The following ADGRL3 variants were observed in gnomAD, a reference collection of about 807,000 sequenced individuals.
ADGRL3 encodes adhesion G protein-coupled receptor L3.
ADGRL3 carries 62 observed loss-of-function variants against 153.5 expected under a neutral mutation model. The observed-to-expected ratio is 0.40, with a 90% CI of 0.33 to 0.50. The LOEUF (loss-of-function observed/expected upper bound fraction) is 0.50, where lower values mean the gene tolerates loss of function less well. Ranked by LOEUF, ADGRL3 falls within the 20% of genes least tolerant of loss-of-function variation. The pLI is 0.47. For synonymous variants in ADGRL3, 710 were observed against 672.5 expected (o/e 1.06, Z -0.86); for missense variants, 1,641 against 1,859.4 (o/e 0.88, Z 2.16).
chr4:62,009,369 A>T (rs957516552), intron 21 of ADGRL3, among the ~76,000 whole-genome samples: 1 of 152,050 alleles, frequency 6.6e-6, no homozygotes, highest in Admixed American at 6.6e-5. Context: ...ATACCTTATA[A>T]TTTTTTATTT....
intron 23 of ADGRL3, among the ~76,000 whole-genome samples, chr4:62,036,161 A>G (rs1381705546): frequency 2.0e-5 from 3 of 152,206 alleles, no homozygotes; most frequent in Admixed American, 6.6e-5. Flanking sequence ...TTTTAAATAC[A>G]TTAAAAATAA....
At chr4:61,514,757 T>C (rs962276964) in intron 3 of ADGRL3, among the ~76,000 whole-genome samples, 3 of 152,204 alleles carry the variant, frequency 2.0e-5, no homozygotes, top group African/African-American at 7.2e-5. Context: ...TTCTTTAGTC[T>C]TACTCCATGA....
intron 8 of ADGRL3, among the ~76,000 whole-genome samples, chr4:61,738,590 A>C (rs561500424): frequency 6.6e-6 from 1 of 152,182 alleles, no homozygotes; most frequent in African/African-American, 2.4e-5. Flanking sequence ...ATGAAAAAAA[A>C]GCTTAACTCC....
chr4:61,660,969 T>C (rs529210798), intron 5 of ADGRL3, among the ~76,000 whole-genome samples: 2 of 152,234 alleles, frequency 1.3e-5, no homozygotes, highest in African/African-American at 4.8e-5. Context: ...AGTATGATCA[T>C]ATATATCTTA....
chr4:61,768,813 C>T (rs1345319867), intron 8 of ADGRL3, among the ~76,000 whole-genome samples: 1 of 151,752 alleles, frequency 6.6e-6, no homozygotes, highest in African/African-American at 2.4e-5. Flanking sequence ...GTGGGGGTTT[C>T]TTCCCCTCCA....
At chr4:61,273,950 AT>A (rs949350675) in intron 1 of ADGRL3, among the ~76,000 whole-genome samples, 6 of 152,172 alleles carry the variant, frequency 3.9e-5, no homozygotes, top group Non-Finnish European at 5.9e-5. Context: ...AAAACTGAAA[AT>A]TCTGACTCTT....
chr4:61,646,053 T>C (rs11936806), intron 5 of ADGRL3, among the ~76,000 whole-genome samples: 30,386 of 152,172 alleles, frequency 0.2, 3,293 homozygotes, highest in East Asian at 0.35. Flanking sequence ...CCATCGCTGA[T>C]ACCCTTTCTC....
At chr4:61,938,519 C>T (rs553477007) in intron 15 of ADGRL3, among the ~76,000 whole-genome samples, 1 of 152,208 alleles carries the variant, frequency 6.6e-6, no homozygotes, top group Non-Finnish European at 1.5e-5. Context: ...GAATCAGTCC[C>T]AGAAGATATA....
At chr4:61,468,113 A>G (rs2097906326) in intron 2 of ADGRL3, among the ~76,000 whole-genome samples, 2 of 152,158 alleles carry the variant, frequency 1.3e-5, no homozygotes, top group Admixed American at 1.3e-4. Flanking sequence ...GCTGCAAAGG[A>G]ATTAAACATA....
intron 24 of ADGRL3, among the ~76,000 whole-genome samples, chr4:62,038,240 C>A (rs1338796047): frequency 3.9e-5 from 6 of 152,034 alleles, no homozygotes; most frequent in Non-Finnish European, 7.4e-5. Flanking sequence ...TTATCACAAA[C>A]TGACACAATT....
At chr4:61,712,984 C>T (rs2096028534) in intron 6 of ADGRL3, among the ~76,000 whole-genome samples, 1 of 152,082 alleles carries the variant, frequency 6.6e-6, no homozygotes, top group Non-Finnish European at 1.5e-5. Context: ...TGGCACAATA[C>T]CCAGATACCC....
At chr4:61,498,983 G>T (rs2098353096) in intron 3 of ADGRL3, among the ~76,000 whole-genome samples, 1 of 152,154 alleles carries the variant, frequency 6.6e-6, no homozygotes, top group South Asian at 2.1e-4. Flanking sequence ...GGACACAGCT[G>T]TATTTGCCAC....
chr4:61,898,472 A>G (rs2098644436), intron 11 of ADGRL3, among the ~76,000 whole-genome samples: 1 of 152,046 alleles, frequency 6.6e-6, no homozygotes, highest in Admixed American at 6.6e-5. Context: ...TAGAATGGGA[A>G]TTCTGGCCCA....
chr4:61,330,345 T>G (rs1034902059), intron 1 of ADGRL3, among the ~76,000 whole-genome samples: 3 of 152,074 alleles, frequency 2.0e-5, no homozygotes, highest in African/African-American at 4.8e-5. Context: ...TGATCCAATT[T>G]TATTGAGAGC....
intron 2 of ADGRL3, among the ~76,000 whole-genome samples, chr4:61,461,838 TCA>T (rs889360620): frequency 3.3e-5 from 5 of 152,146 alleles, no homozygotes; most frequent in Non-Finnish European, 7.4e-5. Context: ...ACAGCCAGTT[TCA>T]GTCCCATGCC....
At chr4:61,879,884 T>A (rs933107288) in intron 9 of ADGRL3, among the ~76,000 whole-genome samples, 2 of 152,144 alleles carry the variant, frequency 1.3e-5, no homozygotes, top group Non-Finnish European at 2.9e-5. Flanking sequence ...CATGCCTGGC[T>A]AATTTTTTAA....
chr4:61,782,124 G>A (rs2097220421), intron 8 of ADGRL3, among the ~76,000 whole-genome samples: 1 of 152,126 alleles, frequency 6.6e-6, no homozygotes, highest in Admixed American at 6.6e-5. Context: ...GTTATCTTTT[G>A]GCAGAGTATT....
chr4:61,460,337 A>G (rs959137565), intron 2 of ADGRL3, among the ~76,000 whole-genome samples: 4 of 152,060 alleles, frequency 2.6e-5, no homozygotes, highest in African/African-American at 9.7e-5. Context: ...CCTTTCCCCA[A>G]CGTATATACA....
rs145224667 is a variant in ADGRL3 at position 61,734,191 on chromosome 4, T to C, written c.1399+637T>C. Among the ~76,000 whole-genome samples, 714 of 152,350 alleles carry C rather than the reference T, an allele frequency of 4.7e-3. 7 individuals are homozygous for C. Among genetic ancestry groups the C allele is most frequent in the African/African-American group, 0.013 (548 of 41,586 alleles). The stretch of plus-strand genomic sequence containing the variant: ...ATTCTTTAAAAGTGCCCCTTTTCCA[T>C]TGAAAACATACCATTTCCTTTTAAT... On this transcript the variant is annotated intron_variant, in intron 8 of 26. Coordinates refer to ENST00000683033, the MANE Select transcript of ADGRL3 (RefSeq NM_001387552.1).
Sources: gnomAD v4.1 joint callset for allele counts (sites outside exome capture counted in the v4.1 genomes callset) on GRCh38, gnomAD v4.1.1 for gene constraint, MANE v1.5 for transcripts, NCBI Gene and HGNC (gene_info 2026-07-23, HGNC 2026-07-21) for gene names.